The following HLA-DPA1 variants were observed in gnomAD, a reference collection of about 807,000 sequenced individuals.
HLA-DPA1 encodes major histocompatibility complex, class II, DP alpha 1.
Under a neutral mutation model 21.5 loss-of-function variants are expected in HLA-DPA1, and 20 were observed. The observed-to-expected ratio is 0.93, with a 90% CI of 0.66 to 1.35. The LOEUF (loss-of-function observed/expected upper bound fraction) is 1.35, where lower values mean the gene tolerates loss of function less well. HLA-DPA1 is among the 40% of genes most tolerant of loss of function. HLA-DPA1 has a pLI of 0.00. For missense variants in HLA-DPA1, 279 were observed against 323.0 expected (o/e 0.86, Z 1.05); for synonymous variants, 123 against 129.6 (o/e 0.95, Z 0.35).
rs117606825 is a variant in HLA-DPA1 at position 33,074,230 on chromosome 6, T to C, written c.-99-561A>G. On this transcript the variant is annotated intron_variant, in intron 1 of 5. Transcript: ENST00000419277. ...TGGTTACCTTTGTTAGTGAAATTTCTAGATAATTTTTATTTTTCAGATTTC... is the reference window on the plus strand; with the variant it reads ...TGGTTACCTTTGTTAGTGAAATTTCCAGATAATTTTTATTTTTCAGATTTC... Among the ~76,000 whole-genome samples the C allele has an allele frequency of 1.4e-3, 215 of 152,324 alleles. 2 individuals carry two copies. In the East Asian group the frequency reaches 0.026, roughly 18 times the overall value.
intron 2 of HLA-DPA1, among the ~76,000 whole-genome samples, chr6:33,071,619 C>T (rs146510176): frequency 2.0e-5 from 3 of 151,936 alleles, no homozygotes; most frequent in African/African-American, 2.4e-5. Context: ...ATAATACATA[C>T]GTCCTGTTCT....
At chr6:33,077,270 C>T (rs529380275) in intron 1 of HLA-DPA1, among the ~76,000 whole-genome samples, 26 of 152,160 alleles carry the variant, frequency 1.7e-4, no homozygotes, top group African/African-American at 5.1e-4. Context: ...TATGGCTGCA[C>T]AGTATTCCAT....
rs150714499 is a variant in HLA-DPA1, at chr6:33,074,423, T to C, written c.-99-754A>G. Among the ~76,000 whole-genome samples the C allele has an allele frequency of 3.6e-3, 542 of 152,294 alleles. 3 individuals are homozygous for C. Among genetic ancestry groups the C allele is most frequent in the East Asian group, 0.026 (133 of 5,196 alleles). On this transcript the variant is annotated intron_variant, in intron 1 of 5. Transcript: ENST00000419277. ...GTTTTTAAGAAGGGTTTCTCTAATG[T>C]TTTTCTGTTACAGGTAATGTTAATT... is the stretch of plus-strand genomic sequence containing the variant.
intron 1 of HLA-DPA1, chr6:33,079,938 C>A: frequency 4.0e-6 from 1 of 250,844 alleles, no homozygotes. Context: ...CCTCTAAACC[C>A]AAAGGACTCT....
At chr6:33,074,180 TG>T (rs1215536227) in intron 1 of HLA-DPA1, among the ~76,000 whole-genome samples, 1 of 152,252 alleles carries the variant, frequency 6.6e-6, no homozygotes, top group Non-Finnish European at 1.5e-5. Flanking sequence ...TGAATGAAGT[TG>T]ATCTTTAATT....
chr6:33,073,762 G>T, intron 1 of HLA-DPA1, 113 bp from the exon 1 acceptor site: 1 of 563,128 alleles, frequency 1.8e-6, no homozygotes, highest in Non-Finnish European at 3.1e-6. Context: ...TAAAGAGGAC[G>T]CTGGAAGGTG....
chr6:33,080,538 C>T lies in HLA-DPA1; in HGVS notation c.-100+142G>A. 7.6e-7 allele frequency: 1 copy of T among 1,315,150 alleles called. No homozygotes were observed. The highest frequency in any genetic ancestry group is 1.1e-6 in the Non-Finnish European group (1 of 928,868). 81.5% of individuals were successfully genotyped at this position (1,315,150 alleles called of 1,614,324 possible). A position where few individuals can be genotyped will look rare whatever the true frequency, so the allele number is the denominator to read the frequency against. On this transcript the variant is annotated intron_variant, in intron 1 of 5. Coordinates refer to ENST00000419277, the Ensembl canonical transcript of HLA-DPA1. The surrounding 1 kb of genome is among the most constrained non-coding windows in gnomAD (Gnocchi z 4.3). Reference sequence around the variant, plus strand: ...CCGCTTAGGACCACAGAACTCGGTACTAGGAAAACTCCTATTTTAAAATCC... The same window carrying T: ...CCGCTTAGGACCACAGAACTCGGTATTAGGAAAACTCCTATTTTAAAATCC...
At chr6:33,076,516 G>A (rs1043049068) in intron 1 of HLA-DPA1, among the ~76,000 whole-genome samples, 3 of 152,208 alleles carry the variant, frequency 2.0e-5, no homozygotes, top group African/African-American at 7.2e-5. Context: ...CAGGCAGAGA[G>A]CCCTAAGCTG....
rs184661086 is a variant in HLA-DPA1, at chr6:33,067,198, T to G, written c.*12+1440A>C. 5 of 152,318 alleles carry G rather than the reference T, an allele frequency of 3.3e-5. No individual in the cohort carries two copies. In the East Asian group the frequency reaches 9.6e-4, roughly 29 times the overall value. The allele number at this position is 152,318 out of a possible 1,614,324, so 9.4% of individuals were successfully genotyped here. A position where few individuals can be genotyped will look rare whatever the true frequency, so the allele number is the denominator to read the frequency against. ...AGCAATGTAGATATGTGGATTAATA[T>G]GATTTGGATATTTGTCACTTCCAAG... is the stretch of plus-strand genomic sequence containing the variant. On this transcript the variant is annotated intron_variant, in intron 5 of 5. Transcript: ENST00000419277.
Position 33,074,823 on chromosome 6 carries a change from A to G in HLA-DPA1, c.-99-1154T>C, listed in dbSNP as rs142109731. ...TATGGCAGGTAAATGACAAGGAGAAAAGTCCCACCCAGGCAGTTACTAAAA... is the reference window on the plus strand; with the variant it reads ...TATGGCAGGTAAATGACAAGGAGAAGAGTCCCACCCAGGCAGTTACTAAAA... On this transcript the variant is annotated intron_variant, in intron 1 of 5. Transcript: ENST00000419277. Among the ~76,000 whole-genome samples the G allele has an allele frequency of 3.5e-3, 540 of 152,306 alleles. 3 individuals carry two copies. Among genetic ancestry groups the G allele is most frequent in the East Asian group, 0.026 (133 of 5,190 alleles).
Position 33,071,061 on chromosome 6 carries a change from T to A in HLA-DPA1, c.101-1175A>T, listed in dbSNP as rs138134192. On this transcript the variant is annotated intron_variant, in intron 2 of 5. Transcript: ENST00000419277. Reference sequence around the variant, plus strand: ...AGAGTGAGAAGGAACTACGGGACTCTTCTGCTCTCACCTCCCAACTCACAG... The same window carrying A: ...AGAGTGAGAAGGAACTACGGGACTCATCTGCTCTCACCTCCCAACTCACAG... 3.6e-3 allele frequency among the ~76,000 whole-genome samples: 542 copies of A among 150,988 alleles called. 2 individuals are homozygous for A. The highest frequency in any genetic ancestry group is 0.026 in the East Asian group (133 of 5,074).
intron 5 of HLA-DPA1, 151 bp downstream of exon 4, chr6:33,068,487 T>C (rs1762071611): frequency 1.6e-6 from 1 of 618,212 alleles, no homozygotes. Context: ...CGCCTGACCA[T>C]ATTAACTACT....
At chr6:33,073,400 C>T in intron 2 of HLA-DPA1, 71 bp downstream of exon 1, 1 of 953,198 alleles carries the variant, frequency 1.0e-6, no homozygotes, top group South Asian at 1.3e-5. Flanking sequence ...ATCTGTGATC[C>T]CTGAAGCAGC....
intron 1 of HLA-DPA1, 90 bp from the exon 1 acceptor site, chr6:33,073,739 C>T (rs996660765): frequency 6.8e-6 from 4 of 589,140 alleles, no homozygotes; most frequent in Non-Finnish European, 1.2e-5. Flanking sequence ...AGCTGACATT[C>T]TCTGTTGCTG....
intron 2 of HLA-DPA1, among the ~76,000 whole-genome samples, chr6:33,070,603 A>G (rs988480962): frequency 9.9e-5 from 15 of 152,226 alleles, no homozygotes; most frequent in Non-Finnish European, 2.2e-4. Context: ...TGTAGAATGT[A>G]TAGCTTTGTT....
At chr6:33,067,583 T>C (rs959307138) in intron 5 of HLA-DPA1, 5 of 152,020 alleles carry the variant, frequency 3.3e-5, no homozygotes, top group Admixed American at 6.6e-5. Flanking sequence ...TATTCCTTTA[T>C]AGCAATGCAA....
chr6:33,073,290 T>C, intron 2 of HLA-DPA1, 181 bp downstream of exon 1: 3 of 551,068 alleles, frequency 5.4e-6, no homozygotes, highest in Non-Finnish European at 9.7e-6. Flanking sequence ...AAAGAAACTA[T>C]GCAGGAGTCT....
exon 3 of HLA-DPA1, chr6:33,069,863 C>T (rs1126533): frequency 0.056 from 89,803 of 1,593,930 alleles, 10,504 homozygotes; most frequent in East Asian, 0.5. Flanking sequence ...TGTACAAACG[C>T]GGCATAAGTT....
Position 33,080,682 on chromosome 6 carries a change from T to C in HLA-DPA1, c.-102A>G. Reference sequence around the variant, plus strand: ...GCCCCCTCCCCGCAGAGAATTACCTTTTCCAGGGACGGCAGGAATGCTACG... The same window carrying C: ...GCCCCCTCCCCGCAGAGAATTACCTCTTCCAGGGACGGCAGGAATGCTACG... On this transcript the variant is annotated splice_region_variant and 5_prime_UTR_variant, in exon 1 of 6. Transcript: ENST00000419277. This position sits in a 1 kb window ranked among gnomAD's most constrained non-coding sequence, Gnocchi z 4.3. 1.2e-6 allele frequency: 2 copies of C among 1,611,088 alleles called. No homozygotes were observed. The highest frequency in any genetic ancestry group is 1.7e-6 in the Non-Finnish European group (2 of 1,178,372).
Sources: gnomAD v4.1 joint callset for allele counts (sites outside exome capture counted in the v4.1 genomes callset) on GRCh38, gnomAD v4.1.1 for gene constraint, Gnocchi (gnomAD v3.1) non-coding constraint, MANE v1.5 for transcripts, NCBI Gene and HGNC (gene_info 2026-07-23, HGNC 2026-07-21) for gene names.